Variants in PORCN observed in about 807,000 individuals in gnomAD.
PORCN encodes porcupine O-acyltransferase.
Under a neutral mutation model 43.0 loss-of-function variants are expected in PORCN, and 1 was observed. The observed-to-expected ratio is 0.02, with a 90% confidence interval of 0.01 to 0.11. The LOEUF is 0.11. Among genes scored for constraint, PORCN ranks in the 10% least tolerant of loss-of-function variants. The pLI is 1.00. For synonymous variants in PORCN, 148 were observed against 166.4 expected, an observed-to-expected ratio of 0.89 and a Z score of 0.85; for missense variants, 240 against 392.1, an observed-to-expected ratio of 0.61 and a Z score of 3.28.
chrX:48,509,342 C>A, intron 1 of PORCN: 1 of 282,471 alleles, frequency 3.5e-6, no homozygotes, highest in African/African-American at 2.8e-5. Flanking sequence ...CACCCCCCCT[C>A]CCCGTGCCGC....
At chrX:48,514,650 G>T in intron 10 of PORCN, 25 bp downstream of exon 10, 1 of 1,118,201 alleles carries the variant, frequency 8.9e-7, no homozygotes, top group Non-Finnish European at 1.2e-6. Context: ...CACCACTCCA[G>T]CTGTGTTGGT....
chrX:48,517,573 T>G (rs1341406354), intron 14 of PORCN, among the ~76,000 whole-genome samples: 3 of 112,680 alleles, frequency 2.7e-5, no homozygotes, highest in African/African-American at 9.7e-5. Context: ...ATCCCAGCAC[T>G]TTGGGAGGCC....
chrX:48,513,576 T>C (rs782687141), intron 7 of PORCN, among the ~76,000 whole-genome samples: 1 of 112,229 alleles, frequency 8.9e-6, no homozygotes, highest in Non-Finnish European at 1.9e-5. Context: ...CTCCAAAAGG[T>C]CAAGTGACTT....
intron 14 of PORCN, among the ~76,000 whole-genome samples, chrX:48,517,732 T>G (rs2061729395): frequency 9.1e-6 from 1 of 109,322 alleles, no homozygotes; most frequent in Non-Finnish European, 1.9e-5. Context: ...GGCAGGAGAA[T>G]CACTTGAACC....
intron 14 of PORCN, 42 bp downstream of exon 14, chrX:48,517,335 G>A (rs782391336): frequency 5.1e-5 from 48 of 949,515 alleles, no homozygotes; most frequent in South Asian, 3.9e-4. Flanking sequence ...CAAGGGTGGC[G>A]CTATCTGGCG....
At chrX:48,515,565 G>C in intron 10 of PORCN, 152 bp from the exon 11 acceptor site, 1 of 513,335 alleles carries the variant, frequency 1.9e-6, no homozygotes, top group Non-Finnish European at 3.5e-6. Context: ...AAGATCGGGA[G>C]CTGGGCTTTG....
Position 48,520,798 on chromosome X carries a change from G to A in PORCN, c.*322G>A. On this transcript the variant is annotated 3_prime_UTR_variant, in exon 15 of 15. Coordinates refer to ENST00000326194, the MANE Select transcript of PORCN (RefSeq NM_203475.3). ...ATTTGTTATTGTCAAATAAAAGTAG[G>A]AAATATTCAATAGGCTTCTTCTTCA... The A allele has an allele frequency of 3.1e-6, 1 of 319,953 alleles. No homozygotes were observed. The highest frequency in any genetic ancestry group is 3.8e-5 in the South Asian group (1 of 26,419). The allele number at this position is 319,953 out of a possible 1,213,427, so 26.4% of individuals were successfully genotyped here.
Position 48,509,921 on chromosome X carries a change from C to T in PORCN, c.101C>T (p.Ala34Val). The T allele has an allele frequency of 1.7e-6, 2 of 1,211,545 alleles. No individual in the cohort carries two copies. The highest frequency in any genetic ancestry group is 1.1e-6 in the Non-Finnish European group (1 of 895,239). ...QGLDQIWLLL[A>V]ICLACRLLWR... The stretch of plus-strand genomic sequence containing the variant: ...CTTGACCAGATCTGGCTGCTCCTTG[C>T]CATCTGCCTCGCCTGCCGCCTCCTC... Residue 34 changes from alanine (A) to valine (V), a missense_variant, in exon 2 of 15, where the codon GCC (alanine) becomes GTC (valine). Coordinates refer to ENST00000326194, the MANE Select transcript of PORCN (RefSeq NM_203475.3).
In PORCN at chrX:48,515,717, A is replaced by T. The variant is rs782356180; in HGVS notation, c.947A>T (p.Tyr316Phe). The change falls in exon 11 of 15, where the codon TAT (tyrosine) becomes TTT (phenylalanine). Residue 316 changes from tyrosine to phenylalanine, a missense_variant and splice_region_variant. Tyr to Phe is a conservative substitution (Grantham distance 22). Transcript: ENST00000326194. ...NLPMSYWLNN[Y>F]VFKNALRLGT... is the part of the protein sequence containing the mutation. ...TTATCCCACATCTCTTCCCCTCCAGATGTTTTCAAGAATGCTCTCCGCCTG... is the reference window on the plus strand; with the variant it reads ...TTATCCCACATCTCTTCCCCTCCAGTTGTTTTCAAGAATGCTCTCCGCCTG... The T allele has an allele frequency of 7.5e-6, 9 of 1,203,505 alleles. No individual in the cohort carries two copies. The South Asian group carries it at 1.6e-4, about 21-fold the overall frequency.
chrX:48,513,529 C>T (rs2061691405), intron 7 of PORCN, among the ~76,000 whole-genome samples: 1 of 112,205 alleles, frequency 8.9e-6, no homozygotes, highest in African/African-American at 3.2e-5. Flanking sequence ...CCCTCCCCTA[C>T]TCCCTGGCTG....
intron 13 of PORCN, among the ~76,000 whole-genome samples, chrX:48,516,733 AG>A (rs1350934592): frequency 9.0e-6 from 1 of 111,090 alleles, no homozygotes; most frequent in Admixed American, 9.6e-5. Flanking sequence ...ATAGCAAGGC[AG>A]CCAGGGTGGC....
rs2147150032 is a variant in PORCN, at chrX:48,520,542, G to A, written c.*66G>A. The A allele has an allele frequency of 1.2e-6, 1 of 829,710 alleles. No individual in the cohort carries two copies. Among genetic ancestry groups the A allele is most frequent in the Non-Finnish European group, 1.8e-6 (1 of 551,556 alleles). 68.4% of individuals were successfully genotyped at this position (829,710 alleles called of 1,213,427 possible). ...TCAGGGTGCCACTGATGGGGGATGA[G>A]GGAAGGCCCTCTCTCTACTCCTTGA... On this transcript the variant is annotated 3_prime_UTR_variant, in exon 15 of 15. Coordinates refer to ENST00000326194, the MANE Select transcript of PORCN (RefSeq NM_203475.3).
intron 10 of PORCN, 117 bp downstream of exon 10, chrX:48,514,742 G>A (rs782041967): frequency 8.7e-6 from 5 of 572,069 alleles, no homozygotes; most frequent in Admixed American, 5.2e-5. Flanking sequence ...TACCCTTGTC[G>A]AGCTGCAGTT....
Position 48,511,939 on chromosome X carries a change from G to T in PORCN, c.373+4G>T. Reference sequence around the variant, plus strand: ...GTGACATGGCACAAGATGCGAGGTAGGTAGCCCTGCCCCTCTCACCTGCCC... The same window carrying T: ...GTGACATGGCACAAGATGCGAGGTATGTAGCCCTGCCCCTCTCACCTGCCC... On this transcript the variant is annotated splice_donor_region_variant and intron_variant, in intron 4 of 14. Coordinates refer to ENST00000326194, the MANE Select transcript of PORCN (RefSeq NM_203475.3). 1 of 1,205,219 alleles carries T rather than the reference G, an allele frequency of 8.3e-7. No homozygotes were observed. Among genetic ancestry groups the T allele is most frequent in the Non-Finnish European group, 1.1e-6 (1 of 890,155 alleles).
At position 48,520,465 on chromosome X, in the gene PORCN, C is replaced by G; in HGVS notation, c.1375C>G (p.Leu459Val). The change falls in exon 15 of 15, where the codon CTC becomes GTC. Residue 459 changes from leucine (L) to valine (V), a missense_variant. Transcript: ENST00000326194. ...VTFGCWIFYR[L>V]IG Reference sequence around the variant, plus strand: ...TTTTGGATGCTGGATCTTCTACCGTCTCATAGGCTGAGGCACATCTGTGGA... The same window carrying G: ...TTTTGGATGCTGGATCTTCTACCGTGTCATAGGCTGAGGCACATCTGTGGA... The G allele has an allele frequency of 8.3e-7, 1 of 1,201,645 alleles. No homozygotes were observed. Among genetic ancestry groups the G allele is most frequent in the Non-Finnish European group, 1.1e-6 (1 of 886,461 alleles).
chrX:48,514,011 CT>C, intron 7 of PORCN, 115 bp from the exon 8 acceptor site: 2 of 904,167 alleles, frequency 2.2e-6, no homozygotes, highest in East Asian at 3.3e-5. Flanking sequence ...CATAGTTCAC[CT>C]TTTTTGTGGC....
Position 48,512,726 on chromosome X carries a change from A to G in PORCN, c.686+7A>G. The G allele has an allele frequency of 8.2e-7, 1 of 1,212,229 alleles. No individual in the cohort carries two copies. The highest frequency in any genetic ancestry group is 1.1e-6 in the Non-Finnish European group (1 of 895,585). On this transcript the variant is annotated splice_region_variant and intron_variant, in intron 6 of 14. Transcript: ENST00000326194. ...GTGACCGCCTCCTTCGCAAGTGAGC[A>G]CAGCCTTCGAGGCCCCTGCCCAGCA... is the stretch of plus-strand genomic sequence containing the variant.
Position 48,515,936 on chromosome X carries a change from T to C in PORCN, c.1070T>C (p.Ile357Thr). The change falls in exon 12 of 15, where the codon ATC becomes ACC. Residue 357 changes from isoleucine to threonine, a missense_variant. Ile to Thr is a moderately conservative substitution (Grantham distance 89). Transcript: ENST00000326194. The part of the protein sequence containing the change: ...LAAVLLSLAF[I>T]TYVEHVLRKR... ...GCGGTCCTGCTGTCCCTGGCTTTTA[T>C]CACTTACGTGGAGCATGGTGAGTGC... The C allele has an allele frequency of 8.3e-7, 1 of 1,211,547 alleles. No individual in the cohort carries two copies. Among genetic ancestry groups the C allele is most frequent in the South Asian group, 1.8e-5 (1 of 56,934 alleles).
chrX:48,514,077 ACT>A, intron 7 of PORCN, 48 bp from the exon 8 acceptor site: 1 of 1,192,058 alleles, frequency 8.4e-7, no homozygotes, highest in Non-Finnish European at 1.1e-6. Flanking sequence ...GGCCTCTCTG[ACT>A]CTCTTTTCTT....
Sources: gnomAD v4.1 joint callset for allele counts (sites outside exome capture counted in the v4.1 genomes callset) on GRCh38, gnomAD v4.1.1 for gene constraint, MANE v1.5 for transcripts, NCBI Gene and HGNC (gene_info 2026-07-23, HGNC 2026-07-21) for gene names.